ATP8A2: variants seen among roughly 807,000 people sequenced by gnomAD.
The protein encoded by ATP8A2 is ATPase phospholipid transporting 8A2.
ATP8A2 carries 100 observed loss-of-function variants against 165.6 expected under a neutral mutation model. The observed-to-expected ratio is 0.60, with a 90% CI of 0.51 to 0.71. The LOEUF (loss-of-function observed/expected upper bound fraction) is 0.71, where lower values mean the gene tolerates loss of function less well. Among genes scored for constraint, ATP8A2 ranks in the 30% least tolerant of loss-of-function variants. The pLI, the probability that ATP8A2 is intolerant of heterozygous loss-of-function variation, is 0.00. For missense variants in ATP8A2, 1,227 were observed against 1,479.5 expected (o/e 0.83, Z 2.80); for synonymous variants, 543 against 548.8 (o/e 0.99, Z 0.15).
chr13:25,725,557 G>A (rs748185005), intron 25 of ATP8A2, among the ~76,000 whole-genome samples: 4 of 152,230 alleles, frequency 2.6e-5, no homozygotes, highest in South Asian at 2.1e-4. Flanking sequence ...CTTCTGGAGC[G>A]CTGGTCACTG....
chr13:25,880,619 C>G (rs1332239570), intron 33 of ATP8A2, among the ~76,000 whole-genome samples: 1 of 152,168 alleles, frequency 6.6e-6, no homozygotes, highest in Non-Finnish European at 1.5e-5. Flanking sequence ...TCATATAAAT[C>G]TGCTGGAAGA....
chr13:25,606,650 T>C lies in ATP8A2; in HGVS notation c.2211+16951T>C, dbSNP rs114737664. Among the ~76,000 whole-genome samples, 803 of 152,272 alleles carry C rather than the reference T, an allele frequency of 5.3e-3. 9 individuals carry two copies. Among genetic ancestry groups the C allele is most frequent in the South Asian group, 0.021 (99 of 4,824 alleles). ...TGCCCCTTATTACCAGGAAATTAAA[T>C]GTAAAAATAGTGTGAAACAAAATGA... On this transcript the variant is annotated intron_variant, in intron 24 of 36. Coordinates refer to ENST00000381655, the MANE Select transcript of ATP8A2 (RefSeq NM_016529.6).
At chr13:25,980,524 A>G (rs1471661838) in intron 35 of ATP8A2, among the ~76,000 whole-genome samples, 1 of 152,152 alleles carries the variant, frequency 6.6e-6, no homozygotes, top group Non-Finnish European at 1.5e-5. Flanking sequence ...TAAGAGATCT[A>G]AGAGGCAGCA....
chr13:25,381,045 C>A (rs986758951), intron 1 of ATP8A2, among the ~76,000 whole-genome samples: 2 of 152,148 alleles, frequency 1.3e-5, no homozygotes, highest in African/African-American at 4.8e-5. Context: ...CTAGGAAATA[C>A]CATTATATTT....
chr13:25,514,496 T>C (rs1389957872), intron 2 of ATP8A2, among the ~76,000 whole-genome samples: 2 of 152,160 alleles, frequency 1.3e-5, no homozygotes, highest in African/African-American at 4.8e-5. Flanking sequence ...GGTGAAGGAC[T>C]TTTAGACATG....
intron 1 of ATP8A2, among the ~76,000 whole-genome samples, chr13:25,402,517 C>T (rs976595866): frequency 1.3e-5 from 2 of 152,164 alleles, no homozygotes; most frequent in African/African-American, 2.4e-5. Flanking sequence ...GGCACTGGCT[C>T]CTGGGTCAGC....
intron 18 of ATP8A2, among the ~76,000 whole-genome samples, chr13:25,574,203 G>A (rs546794916): frequency 6.6e-6 from 1 of 152,218 alleles, no homozygotes; most frequent in East Asian, 1.9e-4. Flanking sequence ...AAGAAAAAGA[G>A]CGTTTGATTG....
Position 25,577,216 on chromosome 13 carries a change from C to T in ATP8A2, c.1782+78C>T, listed in dbSNP as rs1005825483. On this transcript the variant is annotated intron_variant, in intron 20 of 36. Transcript: ENST00000381655. The stretch of plus-strand genomic sequence containing the variant: ...TCTGCCGCTTTTCCTAACTGCTTTC[C>T]TCATCATTCCCTGATTGTTTGTCCA... The T allele has an allele frequency of 3.2e-5, 38 of 1,178,686 alleles. 1 individual carries two copies. The highest frequency in any genetic ancestry group is 4.6e-5 in the Non-Finnish European group (36 of 787,478). The allele number at this position is 1,178,686 out of a possible 1,614,324, so 73.0% of individuals were successfully genotyped here. A position where few individuals can be genotyped will look rare whatever the true frequency, so the allele number is the denominator to read the frequency against.
intron 1 of ATP8A2, among the ~76,000 whole-genome samples, chr13:25,374,074 C>A (rs1054437260): frequency 6.6e-6 from 1 of 152,092 alleles, no homozygotes; most frequent in African/African-American, 2.4e-5. Flanking sequence ...AAGAGGGGTC[C>A]TTGGATAGAG....
chr13:25,642,645 T>G (rs117663973), intron 24 of ATP8A2, among the ~76,000 whole-genome samples: 5,260 of 152,216 alleles, frequency 0.035, 154 homozygotes, highest in East Asian at 0.13. Context: ...ACTGTTGTTG[T>G]TACTGTAAAC....
intron 24 of ATP8A2, among the ~76,000 whole-genome samples, chr13:25,607,520 A>C (rs958446745): frequency 6.6e-6 from 1 of 152,188 alleles, no homozygotes; most frequent in Non-Finnish European, 1.5e-5. Context: ...CGTAAGTTAA[A>C]CCATCAAAGT....
intron 33 of ATP8A2, 64 bp downstream of exon 33, chr13:25,862,472 G>T: frequency 7.9e-7 from 1 of 1,258,050 alleles, no homozygotes; most frequent in South Asian, 1.2e-5. Flanking sequence ...CTCCATGGGC[G>T]GGTGAGCAGG....
At chr13:25,516,884 G>A (rs1224568070) in intron 2 of ATP8A2, among the ~76,000 whole-genome samples, 1 of 150,712 alleles carries the variant, frequency 6.6e-6, no homozygotes, top group Non-Finnish European at 1.5e-5. Context: ...GGGTTCAAGC[G>A]ATTCTCCTGC....
At chr13:25,605,029 A>T (rs908202481) in intron 24 of ATP8A2, among the ~76,000 whole-genome samples, 2 of 152,228 alleles carry the variant, frequency 1.3e-5, no homozygotes, top group African/African-American at 4.8e-5. Context: ...ATAAAGGTAT[A>T]TCATGAAAAA....
chr13:25,622,741 G>C (rs1295957364), intron 24 of ATP8A2, among the ~76,000 whole-genome samples: 1 of 152,122 alleles, frequency 6.6e-6, no homozygotes. Flanking sequence ...GCTCCCTTTA[G>C]CTGATACTTG....
At chr13:25,406,497 T>C (rs2033805135) in intron 1 of ATP8A2, among the ~76,000 whole-genome samples, 1 of 152,170 alleles carries the variant, frequency 6.6e-6, no homozygotes, top group African/African-American at 2.4e-5. Context: ...TGGAGTTGCT[T>C]TTGCTTCCAC....
At chr13:25,728,574 C>G (rs2043545546) in intron 25 of ATP8A2, among the ~76,000 whole-genome samples, 1 of 152,088 alleles carries the variant, frequency 6.6e-6, no homozygotes, top group African/African-American at 2.4e-5. Flanking sequence ...ATGTCTCTGT[C>G]TTAGAGAAAA....
rs765394508 is a variant in ATP8A2 at position 25,554,976 on chromosome 13, TTCTC to T, written c.1186-6_1186-3del. 23 of 1,530,126 alleles carry T rather than the reference TTCTC, an allele frequency of 1.5e-5. No individual in the cohort carries two copies. In the Admixed American group the frequency reaches 1.9e-4, roughly 13 times the overall value. 94.8% of individuals were successfully genotyped at this position (1,530,126 alleles called of 1,614,324 possible). On this transcript the variant is annotated splice_polypyrimidine_tract_variant and intron_variant, in intron 12 of 36. Coordinates refer to ENST00000381655, the MANE Select transcript of ATP8A2 (RefSeq NM_016529.6). Reference sequence around the variant, plus strand: ...ATATTTTCTGAAATCCTGTCTCTTGTTCTCTCTCTCTCAGGACACAGATATGTAT... The same window carrying T: ...ATATTTTCTGAAATCCTGTCTCTTGTTCTCTCTCAGGACACAGATATGTAT...
At chr13:25,642,913 G>GA (rs2041569583) in intron 24 of ATP8A2, among the ~76,000 whole-genome samples, 1 of 152,168 alleles carries the variant, frequency 6.6e-6, no homozygotes, top group African/African-American at 2.4e-5. Flanking sequence ...GTCCTTTGTA[G>GA]GGACATGGAT....
Sources: gnomAD v4.1 joint callset for allele counts (sites outside exome capture counted in the v4.1 genomes callset) on GRCh38, gnomAD v4.1.1 for gene constraint, MANE v1.5 for transcripts, NCBI Gene and HGNC (gene_info 2026-07-23, HGNC 2026-07-21) for gene names.